HS2ST1: variants seen among roughly 807,000 people sequenced by gnomAD.
The protein encoded by HS2ST1 is heparan sulfate 2-O-sulfotransferase 1, also known as 2-O-sulfotransferase.
In HS2ST1, 18 loss-of-function variants were observed where a neutral mutation model predicts 42.9. The ratio of observed to expected loss-of-function variants is 0.42; its 90% CI spans 0.29 to 0.62. The LOEUF (loss-of-function observed/expected upper bound fraction) is 0.62. Among genes scored for constraint, HS2ST1 ranks in the 20% least tolerant of loss-of-function variants. The probability of loss-of-function intolerance (pLI) is 0.21; values close to 1 mark genes in which losing one functional copy is unlikely to be tolerated. For synonymous variants in HS2ST1, 146 were observed against 152.9 expected (o/e 0.95, Z 0.33); for missense variants, 334 against 433.8 (o/e 0.77, Z 2.04).
At chr1:87,095,141 G>C (rs1250277629) in intron 4 of HS2ST1, among the ~76,000 whole-genome samples, 3 of 152,030 alleles carry the variant, frequency 2.0e-5, no homozygotes, top group Non-Finnish European at 2.9e-5. Flanking sequence ...TAACTAGCAG[G>C]AGTTTTCATT....
chr1:86,916,674 T>C (rs991738959), intron 1 of HS2ST1, among the ~76,000 whole-genome samples: 10 of 152,200 alleles, frequency 6.6e-5, no homozygotes, highest in Non-Finnish European at 1.5e-4. Context: ...TATTGAAGGT[T>C]ATCCAGTCTG....
At chr1:87,077,907 G>A (rs1651585453) in intron 2 of HS2ST1, among the ~76,000 whole-genome samples, 4 of 152,160 alleles carry the variant, frequency 2.6e-5, no homozygotes, top group Admixed American at 2.6e-4. Flanking sequence ...AAAACAGGTT[G>A]AACAGCACAG....
At chr1:86,935,761 G>A (rs1660634509) in intron 1 of HS2ST1, among the ~76,000 whole-genome samples, 1 of 152,068 alleles carries the variant, frequency 6.6e-6, no homozygotes, top group African/African-American at 2.4e-5. Flanking sequence ...ACCACACATG[G>A]CCTCATAATT....
intron 1 of HS2ST1, among the ~76,000 whole-genome samples, chr1:87,035,155 A>C (rs1022822044): frequency 1.3e-5 from 2 of 152,216 alleles, no homozygotes; most frequent in African/African-American, 4.8e-5. Flanking sequence ...ATCCTCCAGA[A>C]GGAACATAAC....
rs1297778866 is a variant in HS2ST1, at chr1:87,108,869, T to A, written c.*4173T>A. The A allele has an allele frequency of 6.6e-6, 1 of 152,542 alleles. No individual in the cohort carries two copies. The highest frequency in any genetic ancestry group is 1.5e-5 in the Non-Finnish European group (1 of 67,964). The allele number at this position is 152,542 out of a possible 1,614,324, so 9.4% of individuals were successfully genotyped here. On this transcript the variant is annotated 3_prime_UTR_variant, in exon 7 of 7. Transcript: ENST00000370550. ...TGAGCATCTCTGAAGCAGTGTTGAA[T>A]GTAATTTTCGGAAACATGGATTGTG... is the stretch of plus-strand genomic sequence containing the variant.
intron 1 of HS2ST1, among the ~76,000 whole-genome samples, chr1:86,983,643 G>T (rs892766006): frequency 1.3e-5 from 2 of 152,180 alleles, no homozygotes; most frequent in Middle Eastern, 3.4e-3. Flanking sequence ...AAATCTGATT[G>T]AAAGAGTACA....
intron 1 of HS2ST1, among the ~76,000 whole-genome samples, chr1:87,065,407 G>A (rs1231322069): frequency 3.9e-5 from 6 of 152,180 alleles, no homozygotes; most frequent in Non-Finnish European, 5.9e-5. Context: ...CAATTCTTGG[G>A]TAGACCCTGC....
intron 1 of HS2ST1, among the ~76,000 whole-genome samples, chr1:86,996,955 C>T (rs139640641): frequency 4.6e-5 from 7 of 151,934 alleles, no homozygotes; most frequent in African/African-American, 1.7e-4. Flanking sequence ...ACCTTATAAA[C>T]GTTAGGCCAT....
chr1:87,051,357 C>G (rs564130403), intron 1 of HS2ST1, among the ~76,000 whole-genome samples: 5 of 152,210 alleles, frequency 3.3e-5, no homozygotes, highest in African/African-American at 9.6e-5. Context: ...TTTTGAGTTA[C>G]TTTGCCTTAT....
intron 1 of HS2ST1, among the ~76,000 whole-genome samples, chr1:87,044,474 A>G (rs1430282024): frequency 6.6e-6 from 1 of 152,212 alleles, no homozygotes; most frequent in Non-Finnish European, 1.5e-5. Context: ...ACATTTAAAA[A>G]CAAGTTTCAA....
Position 87,067,753 on chromosome 1 carries a change from A to G in HS2ST1, c.125-5181A>G, listed in dbSNP as rs148149248. Among the ~76,000 whole-genome samples the G allele has an allele frequency of 1.8e-3, 278 of 152,312 alleles. 3 individuals carry two copies. The highest frequency in any genetic ancestry group is 6.2e-3 in the African/African-American group (259 of 41,566). ...TTGAGTTAATTTTTGTGTAAGGTGTAAGGAAGGGGTCCAGTTTCAGTTCTC... is the reference window on the plus strand; with the variant it reads ...TTGAGTTAATTTTTGTGTAAGGTGTGAGGAAGGGGTCCAGTTTCAGTTCTC... On this transcript the variant is annotated intron_variant, in intron 1 of 6. Transcript: ENST00000370550.
At chr1:87,087,735 T>C (rs1651848769) in intron 3 of HS2ST1, among the ~76,000 whole-genome samples, 1 of 152,120 alleles carries the variant, frequency 6.6e-6, no homozygotes, top group African/African-American at 2.4e-5. Context: ...TGTCACAACA[T>C]TGTAGATACT....
chr1:87,084,347 C>A (rs1651764721), intron 3 of HS2ST1, 68 bp downstream of exon 3: 3 of 863,292 alleles, frequency 3.5e-6, no homozygotes, highest in South Asian at 3.4e-5. Context: ...GGAATAAATT[C>A]ATTAAATTGT....
chr1:86,971,156 T>C (rs558106472), intron 1 of HS2ST1, among the ~76,000 whole-genome samples: 94 of 152,084 alleles, frequency 6.2e-4, no homozygotes, highest in Non-Finnish European at 9.4e-4. Flanking sequence ...TGATGGAAAA[T>C]TCAGATAAAG....
chr1:87,089,250 ACTT>A (rs1312717726), intron 3 of HS2ST1, among the ~76,000 whole-genome samples: 2 of 152,034 alleles, frequency 1.3e-5, no homozygotes, highest in African/African-American at 4.8e-5. Flanking sequence ...GCTTTGTCAC[ACTT>A]CGTATGCTGA....
chr1:86,968,430 CT>C (rs5775927), intron 1 of HS2ST1, among the ~76,000 whole-genome samples: 2 of 149,106 alleles, frequency 1.3e-5, no homozygotes, highest in African/African-American at 2.5e-5. Context: ...TTCTCCAATC[CT>C]TTTTTTTTTG....
intron 1 of HS2ST1, among the ~76,000 whole-genome samples, chr1:87,062,339 C>A (rs972448483): frequency 6.6e-6 from 1 of 151,322 alleles, no homozygotes; most frequent in Admixed American, 6.6e-5. Flanking sequence ...AGTTTAATGT[C>A]TTTATATAGT....
chr1:87,046,258 G>A lies in HS2ST1; in HGVS notation c.125-26676G>A, dbSNP rs531520160. ...ACTATCAAAGAGGGTGTGACCAAGTGTTACGAATGTCATCCTAAGCCAACC... is the reference window on the plus strand; with the variant it reads ...ACTATCAAAGAGGGTGTGACCAAGTATTACGAATGTCATCCTAAGCCAACC... On this transcript the variant is annotated intron_variant, in intron 1 of 6. Transcript: ENST00000370550. 1.4e-5 allele frequency: 11 copies of A among 774,502 alleles called. No homozygotes were observed. The African/African-American group carries it at 1.7e-4, about 12-fold the overall frequency. 48.0% of individuals were successfully genotyped at this position (774,502 alleles called of 1,614,324 possible).
At chr1:87,054,463 G>A (rs1326505016) in intron 1 of HS2ST1, among the ~76,000 whole-genome samples, 1 of 152,182 alleles carries the variant, frequency 6.6e-6, no homozygotes, top group Non-Finnish European at 1.5e-5. Context: ...ATGGTGCTAA[G>A]ATTGATGTCA....
Sources: gnomAD v4.1 joint callset for allele counts (sites outside exome capture counted in the v4.1 genomes callset) on GRCh38, gnomAD v4.1.1 for gene constraint, MANE v1.5 for transcripts, NCBI Gene and HGNC (gene_info 2026-07-23, HGNC 2026-07-21) for gene names.